Variants in ATP8A2 observed in about 807,000 individuals in gnomAD.
ATP8A2 encodes phospholipid-transporting ATPase IB.
In ATP8A2, 100 loss-of-function variants were observed where a neutral mutation model predicts 165.6. That is an observed-to-expected ratio of 0.60 (90% CI 0.51 to 0.71). The LOEUF is 0.71. Ranked by LOEUF, ATP8A2 falls within the 30% of genes least tolerant of loss-of-function variation. The pLI is 0.00. For synonymous variants in ATP8A2, 543 were observed against 548.8 expected (o/e 0.99, Z 0.15); for missense variants, 1,227 against 1,479.5 (o/e 0.83, Z 2.80).
At position 25,530,113 on chromosome 13, in the gene ATP8A2, A is replaced by G; in HGVS notation, c.321+15A>G. The G allele has an allele frequency of 6.7e-7, 1 of 1,496,504 alleles. No individual in the cohort carries two copies. Among genetic ancestry groups the G allele is most frequent in the Non-Finnish European group, 9.3e-7 (1 of 1,078,468 alleles). The allele number at this position is 1,496,504 out of a possible 1,614,324, so 92.7% of individuals were successfully genotyped here. A position where few individuals can be genotyped will look rare whatever the true frequency, so the allele number is the denominator to read the frequency against. ...CCTTATTACAGGTAATGGTTTTTTA[A>G]CAGTTCCTTGGAATTCACTTAATTA... On this transcript the variant is annotated intron_variant, in intron 3 of 36. Coordinates refer to ENST00000381655, the MANE Select transcript of ATP8A2 (RefSeq NM_016529.6).
chr13:25,941,409 G>C (rs3783133), intron 33 of ATP8A2, among the ~76,000 whole-genome samples: 63,682 of 151,824 alleles, frequency 0.42, 14,425 homozygotes, highest in African/African-American at 0.61. Flanking sequence ...TCCATGCATG[G>C]CCTAAACCCA....
chr13:25,888,140 G>A (rs895557047), intron 33 of ATP8A2, among the ~76,000 whole-genome samples: 12 of 140,608 alleles, frequency 8.5e-5, no homozygotes, highest in Non-Finnish European at 6.0e-5. Flanking sequence ...GCTTAACAAG[G>A]GTAGCACAGC....
At chr13:25,592,617 G>A (rs2040119291) in intron 24 of ATP8A2, among the ~76,000 whole-genome samples, 1 of 152,118 alleles carries the variant, frequency 6.6e-6, no homozygotes, top group South Asian at 2.1e-4. Context: ...TGTACTTGAG[G>A]CTTCCTTTTT....
rs2041008656 is a variant in ATP8A2, at chr13:25,622,923, T to C, written c.2211+33224T>C. ...TGTCATATTAGTTAAAGTGAAAAAT[T>C]GATTTGCAAAGTTCTGATCATTTTA... On this transcript the variant is annotated intron_variant, in intron 24 of 36. Transcript: ENST00000381655. Among the ~76,000 whole-genome samples, 3 of 152,204 alleles carry C rather than the reference T, an allele frequency of 2.0e-5. No homozygotes were observed. The South Asian group carries it at 6.2e-4, about 32-fold the overall frequency.
chr13:25,806,205 C>T (rs4769438), intron 27 of ATP8A2, among the ~76,000 whole-genome samples: 3,591 of 152,158 alleles, frequency 0.024, 214 homozygotes, highest in Admixed American at 0.13. Flanking sequence ...ACCTCCCTGC[C>T]GATAAGACTT....
intron 30 of ATP8A2, among the ~76,000 whole-genome samples, chr13:25,852,097 C>T (rs1952022723): frequency 6.6e-6 from 1 of 152,164 alleles, no homozygotes; most frequent in African/African-American, 2.4e-5. Flanking sequence ...GATGAGAATT[C>T]TCTCTGTTAG....
intron 28 of ATP8A2, among the ~76,000 whole-genome samples, chr13:25,829,668 G>GTATGTATATA (rs1951406164): frequency 4.7e-5 from 3 of 63,394 alleles, no homozygotes; most frequent in African/African-American, 1.2e-4. Flanking sequence ...GACAGGTGTG[G>GTATGTATATA]TATATATATA....
At chr13:25,618,566 A>T (rs150566154) in intron 24 of ATP8A2, among the ~76,000 whole-genome samples, 1 of 151,372 alleles carries the variant, frequency 6.6e-6, no homozygotes. Context: ...TCTCATTAGC[A>T]ACTTTGTCTG....
At chr13:25,427,055 G>A (rs1302025290) in intron 1 of ATP8A2, among the ~76,000 whole-genome samples, 1 of 152,226 alleles carries the variant, frequency 6.6e-6, no homozygotes, top group African/African-American at 2.4e-5. Context: ...CAGAGGGGGT[G>A]TGAGAGAGTA....
chr13:25,959,277 CAA>C (rs1300087241), intron 33 of ATP8A2, among the ~76,000 whole-genome samples: 1 of 152,152 alleles, frequency 6.6e-6, no homozygotes, highest in Non-Finnish European at 1.5e-5. Context: ...TGGAGATACA[CAA>C]AGAGATATGA....
chr13:25,963,598 T>C (rs1955713003), intron 34 of ATP8A2, among the ~76,000 whole-genome samples: 1 of 152,214 alleles, frequency 6.6e-6, no homozygotes, highest in South Asian at 2.1e-4. Context: ...TTTATAGTGA[T>C]TGAAAACTAG....
At chr13:25,592,635 G>A (rs1325583702) in intron 24 of ATP8A2, among the ~76,000 whole-genome samples, 1 of 152,074 alleles carries the variant, frequency 6.6e-6, no homozygotes, top group Non-Finnish European at 1.5e-5. Context: ...TTTTTCTGAT[G>A]ATTTTCTGGT....
intron 33 of ATP8A2, among the ~76,000 whole-genome samples, chr13:25,898,192 A>C (rs1286666342): frequency 1.3e-5 from 2 of 152,178 alleles, no homozygotes; most frequent in African/African-American, 4.8e-5. Context: ...GGTGACCTAC[A>C]GATGGGATTT....
At chr13:25,413,436 C>G (rs971927852) in intron 1 of ATP8A2, among the ~76,000 whole-genome samples, 4 of 151,764 alleles carry the variant, frequency 2.6e-5, no homozygotes, top group Non-Finnish European at 4.4e-5. Flanking sequence ...CGCCCACCCC[C>G]ACACCTAGCT....
chr13:25,794,859 A>ACACACC (rs1378534914), intron 27 of ATP8A2, among the ~76,000 whole-genome samples: 31 of 143,702 alleles, frequency 2.2e-4, no homozygotes, highest in African/African-American at 7.7e-4. Context: ...ACACACACAC[A>ACACACC]CCTTCTCTCT....
chr13:25,381,077 G>C (rs557779576), intron 1 of ATP8A2, among the ~76,000 whole-genome samples: 1 of 152,104 alleles, frequency 6.6e-6, no homozygotes, highest in Non-Finnish European at 1.5e-5. Flanking sequence ...ATCTCTAATA[G>C]AATCTGGTTG....
chr13:25,436,415 T>C (rs1267832430), intron 1 of ATP8A2, among the ~76,000 whole-genome samples: 1 of 152,200 alleles, frequency 6.6e-6, no homozygotes, highest in African/African-American at 2.4e-5. Flanking sequence ...TCCAGCTACA[T>C]CCATGTTGCT....
intron 35 of ATP8A2, among the ~76,000 whole-genome samples, chr13:25,981,250 C>T (rs11842709): frequency 0.081 from 12,306 of 152,134 alleles, 1,344 homozygotes; most frequent in African/African-American, 0.25. Flanking sequence ...ACAAGTCATA[C>T]AAAGAAGGAA....
chr13:25,755,511 A>G (rs1475059939), intron 25 of ATP8A2, among the ~76,000 whole-genome samples: 2 of 152,246 alleles, frequency 1.3e-5, no homozygotes, highest in Admixed American at 1.3e-4. Context: ...TGAAGACATA[A>G]TCTTTTCCCT....
Sources: gnomAD v4.1 joint callset for allele counts (sites outside exome capture counted in the v4.1 genomes callset) on GRCh38, gnomAD v4.1.1 for gene constraint, MANE v1.5 for transcripts, NCBI Gene and HGNC (gene_info 2026-07-23, HGNC 2026-07-21) for gene names.